STAU2: variants seen among roughly 807,000 people sequenced by gnomAD.
STAU2 encodes the protein double-stranded RNA-binding protein Staufen homolog 2.
A neutral mutation model predicts 65.9 loss-of-function variants in STAU2; 20 were observed. That is an observed-to-expected ratio of 0.30 (90% CI 0.21 to 0.44). STAU2 has a LOEUF of 0.44. Among genes scored for constraint, STAU2 ranks in the 20% least tolerant of loss-of-function variants. The probability of loss-of-function intolerance (pLI) is 1.00; values close to 1 mark genes in which losing one functional copy is unlikely to be tolerated. For missense variants in STAU2, 558 were observed against 683.9 expected, an observed-to-expected ratio of 0.82 and a Z score of 2.05; for synonymous variants, 232 against 233.9, an observed-to-expected ratio of 0.99 and a Z score of 0.07.
At chr8:73,461,133 G>A (rs1819329808) in intron 13 of STAU2, among the ~76,000 whole-genome samples, 2 of 152,210 alleles carry the variant, frequency 1.3e-5, no homozygotes, top group African/African-American at 4.8e-5. Context: ...AGACTTAGGG[G>A]AAGTTACTTT....
chr8:73,728,814 G>A (rs1034683705), intron 3 of STAU2, among the ~76,000 whole-genome samples: 1 of 152,168 alleles, frequency 6.6e-6, no homozygotes, highest in Non-Finnish European at 1.5e-5. Flanking sequence ...CTTTAGTGGA[G>A]GTTTTTCTGG....
At chr8:73,731,971 A>C (rs1806102798) in intron 3 of STAU2, among the ~76,000 whole-genome samples, 1 of 152,134 alleles carries the variant, frequency 6.6e-6, no homozygotes, top group Non-Finnish European at 1.5e-5. Context: ...AAAACAAACA[A>C]AACAAGCATT....
intron 6 of STAU2, among the ~76,000 whole-genome samples, chr8:73,621,941 GTCTT>G (rs1813270290): frequency 6.7e-6 from 1 of 149,928 alleles, no homozygotes; most frequent in Non-Finnish European, 1.5e-5. Flanking sequence ...CAATGGTTAG[GTCTT>G]TCTCTCTTTT....
At chr8:73,699,860 C>CAAAAAAAAAAAAAAAAAAA (rs201419278) in intron 4 of STAU2, among the ~76,000 whole-genome samples, 1 of 88,882 alleles carries the variant, frequency 1.1e-5, no homozygotes, top group Non-Finnish European at 2.3e-5. Context: ...AAACACACAT[C>CAAAAAAAAAAAAAAAAAAA]AAAAAAAAAA....
chr8:73,724,512 A>G (rs1406091844), intron 3 of STAU2, among the ~76,000 whole-genome samples: 1 of 152,014 alleles, frequency 6.6e-6, no homozygotes, highest in Non-Finnish European at 1.5e-5. Flanking sequence ...TTTCAGTATC[A>G]CATTCAATAA....
At chr8:73,487,149 T>C (rs760494471) in intron 13 of STAU2, among the ~76,000 whole-genome samples, 3 of 152,124 alleles carry the variant, frequency 2.0e-5, no homozygotes, top group South Asian at 2.1e-4. Context: ...CATGAAATCA[T>C]GGCCTAAGAA....
At chr8:73,439,326 C>T in intron 13 of STAU2, 1 of 299,720 alleles carries the variant, frequency 3.3e-6, no homozygotes, top group Non-Finnish European at 6.5e-6. Context: ...GGTTAAGAGG[C>T]TAAGATTTGA....
intron 13 of STAU2, among the ~76,000 whole-genome samples, chr8:73,544,007 C>T (rs1027289549): frequency 2.0e-5 from 3 of 152,290 alleles, no homozygotes; most frequent in African/African-American, 7.2e-5. Context: ...TTGTTAAGTT[C>T]CTCTAAGTTT....
intron 3 of STAU2, chr8:73,727,734 G>C (rs1045340380): frequency 6.6e-6 from 1 of 152,216 alleles, no homozygotes; most frequent in Non-Finnish European, 1.5e-5. Context: ...ATATACCTAG[G>C]AGTGGAATTG....
intron 13 of STAU2, among the ~76,000 whole-genome samples, chr8:73,460,372 T>C (rs10099785): frequency 0.34 from 51,582 of 152,052 alleles, 9,995 homozygotes; most frequent in Non-Finnish European, 0.43. Flanking sequence ...GATTCAATAC[T>C]TGGGGGCTCT....
Position 73,482,858 on chromosome 8 carries a change from C to G in STAU2, c.1531-60156G>C, listed in dbSNP as rs545888057. Among the ~76,000 whole-genome samples, 4 of 152,188 alleles carry G rather than the reference C, an allele frequency of 2.6e-5. No homozygotes were observed. In the East Asian group the frequency reaches 7.7e-4, roughly 29 times the overall value. On this transcript the variant is annotated intron_variant, in intron 13 of 14. Transcript: ENST00000524300. Reference sequence around the variant, plus strand: ...AGAAATTAGGACCAGCTACTGTGTACTTACACCAAGGTTCAGGTGTTAAAG... The same window carrying G: ...AGAAATTAGGACCAGCTACTGTGTAGTTACACCAAGGTTCAGGTGTTAAAG...
At chr8:73,564,572 C>G (rs1371425031) in intron 12 of STAU2, among the ~76,000 whole-genome samples, 1 of 151,404 alleles carries the variant, frequency 6.6e-6, no homozygotes, top group South Asian at 2.1e-4. Context: ...GGCTTCATAT[C>G]TGGATGATGA....
chr8:73,509,309 C>T (rs2011379108), intron 13 of STAU2, among the ~76,000 whole-genome samples: 1 of 152,108 alleles, frequency 6.6e-6, no homozygotes, highest in Non-Finnish European at 1.5e-5. Context: ...GGTGAACTGT[C>T]TGTTCATATC....
At chr8:73,540,822 G>C (rs1424496873) in intron 13 of STAU2, among the ~76,000 whole-genome samples, 1 of 152,046 alleles carries the variant, frequency 6.6e-6, no homozygotes, top group African/African-American at 2.4e-5. Context: ...TATGAGTTTT[G>C]ACTTTTTTTT....
At chr8:73,688,489 CGT>C (rs34713766) in intron 5 of STAU2, among the ~76,000 whole-genome samples, 163 bp downstream of exon 5, 73,615 of 146,682 alleles carry the variant, frequency 0.5, 19,933 homozygotes, top group Non-Finnish European at 0.62. Flanking sequence ...TTTATGCTAC[CGT>C]GTGTGTGTGT....
At chr8:73,466,083 C>T (rs139120981) in intron 13 of STAU2, among the ~76,000 whole-genome samples, 318 of 152,344 alleles carry the variant, frequency 2.1e-3, no homozygotes, top group African/African-American at 7.3e-3. Context: ...ATGCTCTCAT[C>T]TTAAACTCTT....
chr8:73,703,228 C>T (rs949725445), intron 4 of STAU2, among the ~76,000 whole-genome samples: 2 of 152,110 alleles, frequency 1.3e-5, no homozygotes, highest in African/African-American at 4.8e-5. Context: ...GTACTGTCCT[C>T]ACAATAGTGA....
intron 11 of STAU2, among the ~76,000 whole-genome samples, chr8:73,591,916 AAGAG>A (rs1266060503): frequency 1.1e-5 from 1 of 91,452 alleles, no homozygotes; most frequent in African/African-American, 4.0e-5. Context: ...AAAAAAAAAC[AAGAG>A]AGAGACAAGA....
intron 13 of STAU2, among the ~76,000 whole-genome samples, chr8:73,425,302 A>T (rs1451665329): frequency 6.6e-6 from 1 of 152,178 alleles, no homozygotes; most frequent in Non-Finnish European, 1.5e-5. Context: ...TAAAAAGAGG[A>T]AACTGGAACA....
Sources: gnomAD v4.1 joint callset for allele counts (sites outside exome capture counted in the v4.1 genomes callset) on GRCh38, gnomAD v4.1.1 for gene constraint, MANE v1.5 for transcripts, NCBI Gene and HGNC (gene_info 2026-07-23, HGNC 2026-07-21) for gene names.